The following SRPK2 variants were observed in gnomAD, a reference collection of about 807,000 sequenced individuals.
SRPK2 encodes SFRS protein kinase 2.
A neutral mutation model predicts 90.8 loss-of-function variants in SRPK2; 21 were observed. The observed-to-expected ratio is 0.23, with a 90% CI of 0.16 to 0.33. SRPK2 has a LOEUF of 0.33. Among genes scored for constraint, SRPK2 ranks in the 10% least tolerant of loss-of-function variants. The probability of loss-of-function intolerance (pLI) is 1.00; values close to 1 mark genes in which losing one functional copy is unlikely to be tolerated. For missense variants in SRPK2, 620 were observed against 869.0 expected (o/e 0.71, Z 3.60); for synonymous variants, 288 against 311.1 (o/e 0.93, Z 0.78).
chr7:105,267,789 G>A (rs1477327122), intron 2 of SRPK2, among the ~76,000 whole-genome samples: 1 of 151,648 alleles, frequency 6.6e-6, no homozygotes, highest in African/African-American at 2.4e-5. Context: ...TATTTTTTCT[G>A]TATCATTCCT....
At chr7:105,195,013 A>AT (rs1794743066) in intron 3 of SRPK2, among the ~76,000 whole-genome samples, 1 of 152,276 alleles carries the variant, frequency 6.6e-6, no homozygotes, top group Admixed American at 6.5e-5. Context: ...TACTGCTGAC[A>AT]TTTTGGCACT....
chr7:105,271,394 C>A (rs1315542767), intron 2 of SRPK2, among the ~76,000 whole-genome samples: 1 of 152,148 alleles, frequency 6.6e-6, no homozygotes, highest in African/African-American at 2.4e-5. Flanking sequence ...TTCATTTTCA[C>A]CTTATCTCTA....
At chr7:105,205,619 A>T (rs907618377) in intron 2 of SRPK2, among the ~76,000 whole-genome samples, 23 of 150,612 alleles carry the variant, frequency 1.5e-4, no homozygotes, top group Non-Finnish European at 2.9e-4. Context: ...CAGAAGTACA[A>T]GAATCTTTCT....
chr7:105,353,055 TA>T (rs1399035084), intron 2 of SRPK2, among the ~76,000 whole-genome samples: 5 of 152,200 alleles, frequency 3.3e-5, no homozygotes, highest in Non-Finnish European at 7.3e-5. Context: ...GACTAAGTCA[TA>T]AATCCCTTAT....
chr7:105,164,948 T>C (rs1479201495), intron 6 of SRPK2, among the ~76,000 whole-genome samples: 1 of 152,222 alleles, frequency 6.6e-6, no homozygotes, highest in Admixed American at 6.5e-5. Flanking sequence ...CATGTGCCTC[T>C]GAGTAAAGTG....
chr7:105,363,343 C>G (rs760663989), intron 2 of SRPK2, among the ~76,000 whole-genome samples: 2 of 152,010 alleles, frequency 1.3e-5, no homozygotes, highest in African/African-American at 4.8e-5. Context: ...AAAAATCAAA[C>G]AACCCCATCA....
At chr7:105,385,797 G>A (rs775797892) in intron 2 of SRPK2, among the ~76,000 whole-genome samples, 1 of 152,182 alleles carries the variant, frequency 6.6e-6, no homozygotes, top group Non-Finnish European at 1.5e-5. Context: ...TAAAATGTCC[G>A]TAATAACGGT....
chr7:105,357,747 A>C (rs1041073818), intron 2 of SRPK2, among the ~76,000 whole-genome samples: 1 of 149,170 alleles, frequency 6.7e-6, no homozygotes, highest in African/African-American at 2.4e-5. Context: ...TCCGTCTCAA[A>C]AAACAAAAAA....
intron 7 of SRPK2, among the ~76,000 whole-genome samples, chr7:105,149,543 C>T (rs1486218676): frequency 6.6e-6 from 1 of 152,168 alleles, no homozygotes; most frequent in Non-Finnish European, 1.5e-5. Flanking sequence ...ATGCTGGGCG[C>T]CAGTCCCCTG....
chr7:105,178,373 C>T (rs1340960926), intron 3 of SRPK2, among the ~76,000 whole-genome samples: 1 of 152,122 alleles, frequency 6.6e-6, no homozygotes, highest in Admixed American at 6.5e-5. Flanking sequence ...TCAGAGAAGC[C>T]ATTGTTATTT....
chr7:105,295,905 C>T (rs1809750981), intron 2 of SRPK2, among the ~76,000 whole-genome samples: 1 of 152,142 alleles, frequency 6.6e-6, no homozygotes, highest in Admixed American at 6.5e-5. Context: ...AAAGTCACCT[C>T]AAATTCTCAG....
chr7:105,368,558 C>G (rs1285687207), intron 2 of SRPK2, among the ~76,000 whole-genome samples: 1 of 152,092 alleles, frequency 6.6e-6, no homozygotes, highest in Non-Finnish European at 1.5e-5. Context: ...TCTAAACTGG[C>G]TAAGGCACTA....
intron 2 of SRPK2, 147 bp from the exon 3 acceptor site, chr7:105,203,932 G>T: frequency 1.9e-6 from 2 of 1,038,256 alleles, no homozygotes; most frequent in Non-Finnish European, 2.7e-6. Context: ...ACCCATTTTA[G>T]TTGAATTCAA....
chr7:105,298,354 G>A (rs1453883085), intron 2 of SRPK2, among the ~76,000 whole-genome samples: 4 of 152,182 alleles, frequency 2.6e-5, no homozygotes, highest in African/African-American at 4.8e-5. Context: ...TGTTATGGAT[G>A]TATCAGAGTT....
intron 2 of SRPK2, among the ~76,000 whole-genome samples, chr7:105,237,162 T>A (rs1432627018): frequency 2.6e-5 from 4 of 152,244 alleles, no homozygotes; most frequent in Non-Finnish European, 5.9e-5. Context: ...AAACTTAGCT[T>A]CTGACCAAAC....
chr7:105,159,840 A>G (rs1004229810), intron 7 of SRPK2, among the ~76,000 whole-genome samples: 1 of 152,212 alleles, frequency 6.6e-6, no homozygotes, highest in Non-Finnish European at 1.5e-5. Context: ...TTACTGAGGT[A>G]CAACTGACAA....
intron 2 of SRPK2, among the ~76,000 whole-genome samples, chr7:105,239,760 C>T (rs766335619): frequency 6.6e-6 from 1 of 152,198 alleles, no homozygotes; most frequent in Non-Finnish European, 1.5e-5. Flanking sequence ...GATTCAAATA[C>T]AGTGATACAT....
chr7:105,170,987 GAAAGAA>G (rs1791029421), intron 3 of SRPK2, among the ~76,000 whole-genome samples: 3 of 119,758 alleles, frequency 2.5e-5, no homozygotes, highest in African/African-American at 6.6e-5. Context: ...GAGAAAGAAA[GAAAGAA>G]AGAGAAAGAA....
chr7:105,310,580 G>T (rs896367087), intron 2 of SRPK2, among the ~76,000 whole-genome samples: 1 of 151,974 alleles, frequency 6.6e-6, no homozygotes, highest in African/African-American at 2.4e-5. Context: ...GGAGGCAGAG[G>T]TTGTAGAAGC....
Sources: allele counts gnomAD v4.1 joint callset (sites outside exome capture counted in the v4.1 genomes callset), GRCh38; gene constraint gnomAD v4.1.1; transcripts MANE v1.5; gene names NCBI Gene and HGNC (gene_info 2026-07-23, HGNC 2026-07-21).